The following ATP8A1 variants were observed in gnomAD, a reference collection of about 807,000 sequenced individuals.
The protein encoded by ATP8A1 is ATPase phospholipid transporting 8A1, also known as phospholipid-transporting ATPase IA.
In ATP8A1, 90 loss-of-function variants were observed where a neutral mutation model predicts 177.7. That is an observed-to-expected ratio of 0.51 (90% CI 0.43 to 0.60). ATP8A1 has a LOEUF of 0.60. ATP8A1 is among the 20% of genes least tolerant of loss of function. The pLI, the probability that ATP8A1 is intolerant of heterozygous loss-of-function variation, is 0.00. For synonymous variants in ATP8A1, 493 were observed against 485.9 expected (o/e 1.01, Z -0.19); for missense variants, 1,072 against 1,392.8 (o/e 0.77, Z 3.67).
At chr4:42,617,970 A>G (rs1402771557) in intron 4 of ATP8A1, among the ~76,000 whole-genome samples, 1 of 152,248 alleles carries the variant, frequency 6.6e-6, no homozygotes, top group Non-Finnish European at 1.5e-5. Flanking sequence ...CTAATAGTTC[A>G]TAAAAAATTA....
chr4:42,447,616 C>T (rs377287168), intron 30 of ATP8A1, among the ~76,000 whole-genome samples: 18 of 152,070 alleles, frequency 1.2e-4, no homozygotes, highest in Non-Finnish European at 1.9e-4. Context: ...TAAAAATCCA[C>T]GGTATATATA....
At chr4:42,526,767 C>G (rs1348515708) in intron 20 of ATP8A1, among the ~76,000 whole-genome samples, 1 of 152,068 alleles carries the variant, frequency 6.6e-6, no homozygotes, top group Non-Finnish European at 1.5e-5. Flanking sequence ...CTGACTAATA[C>G]AGATTTTGGT....
At chr4:42,519,874 T>A (rs1416316646) in intron 22 of ATP8A1, among the ~76,000 whole-genome samples, 1 of 152,218 alleles carries the variant, frequency 6.6e-6, no homozygotes, top group Non-Finnish European at 1.5e-5. Flanking sequence ...GTTTCTGTCA[T>A]CTGTAAACTA....
intron 14 of ATP8A1, among the ~76,000 whole-genome samples, chr4:42,571,426 T>C (rs1731892090): frequency 6.6e-6 from 1 of 152,162 alleles, no homozygotes; most frequent in Admixed American, 6.6e-5. Context: ...AGACTGTATC[T>C]TGTTAAGCCT....
At chr4:42,481,076 C>G (rs1721622735) in intron 25 of ATP8A1, among the ~76,000 whole-genome samples, 1 of 152,132 alleles carries the variant, frequency 6.6e-6, no homozygotes, top group African/African-American at 2.4e-5. Context: ...TGATGAGGAC[C>G]TCAGAAACCA....
chr4:42,523,986 A>ATTT (rs1726418311), intron 21 of ATP8A1, among the ~76,000 whole-genome samples: 2 of 152,336 alleles, frequency 1.3e-5, no homozygotes, highest in South Asian at 4.1e-4. Context: ...CACTGGCAAC[A>ATTT]GTTCCAGCTG....
intron 24 of ATP8A1, among the ~76,000 whole-genome samples, chr4:42,500,627 C>T (rs1287663456): frequency 6.6e-6 from 1 of 151,762 alleles, no homozygotes; most frequent in African/African-American, 2.4e-5. Flanking sequence ...GGCAATTTTA[C>T]AAGAGCCTGG....
intron 9 of ATP8A1, among the ~76,000 whole-genome samples, chr4:42,584,129 C>G (rs945705187): frequency 5.3e-5 from 8 of 152,278 alleles, no homozygotes; most frequent in African/African-American, 1.9e-4. Context: ...AATGCAATTA[C>G]AAAATAATGA....
chr4:42,578,814 G>A (rs779412197), intron 11 of ATP8A1, among the ~76,000 whole-genome samples: 31 of 152,038 alleles, frequency 2.0e-4, no homozygotes, highest in Non-Finnish European at 4.0e-4. Flanking sequence ...CAAACTATAT[G>A]AGTAATATTC....
intron 17 of ATP8A1, 103 bp downstream of exon 17, chr4:42,552,402 A>G (rs1729594905): frequency 3.3e-6 from 3 of 913,806 alleles, no homozygotes; most frequent in South Asian, 1.6e-5. Flanking sequence ...AAAAATTTTT[A>G]TCTAAAAAAC....
chr4:42,563,896 A>C (rs1006284931), intron 15 of ATP8A1, among the ~76,000 whole-genome samples: 7 of 152,178 alleles, frequency 4.6e-5, no homozygotes, highest in Non-Finnish European at 1.0e-4. Flanking sequence ...GGAGTACAAG[A>C]CCAGCCCAGC....
intron 25 of ATP8A1, among the ~76,000 whole-genome samples, chr4:42,476,026 T>A (rs1721025407): frequency 6.6e-6 from 1 of 151,390 alleles, no homozygotes; most frequent in African/African-American, 2.4e-5. Flanking sequence ...GGCGACAGAG[T>A]GAGACTCCAT....
Position 42,409,221 on chromosome 4 carries a change from CT to C in ATP8A1, c.*3694del, listed in dbSNP as rs1712310168. 6.6e-6 allele frequency: 1 copy of C among 152,136 alleles called. No individual in the cohort carries two copies. The highest frequency in any genetic ancestry group is 1.5e-5 in the Non-Finnish European group (1 of 67,994). 9.4% of individuals were successfully genotyped at this position (152,136 alleles called of 1,614,324 possible). ...ATATGAACTCATGCAAACCATAAACCTATCAAAAACACAGCTGTTCTCATAC... is the reference window on the plus strand; with the variant it reads ...ATATGAACTCATGCAAACCATAAACCATCAAAAACACAGCTGTTCTCATAC... On this transcript the variant is annotated 3_prime_UTR_variant, in exon 37 of 37. Transcript: ENST00000381668.
rs9998565 is a variant in ATP8A1, at chr4:42,595,030, G to C, written c.451-4146C>G. 3.0e-3 allele frequency among the ~76,000 whole-genome samples: 461 copies of C among 152,224 alleles called. 2 individuals carry two copies. Among genetic ancestry groups the C allele is most frequent in the African/African-American group, 0.011 (445 of 41,548 alleles). On this transcript the variant is annotated intron_variant, in intron 6 of 36. Coordinates refer to ENST00000381668, the MANE Select transcript of ATP8A1 (RefSeq NM_006095.2). ...AAAAACTGATAGCAGTCATTTAAGT[G>C]ACAGATGTGTCACATAGCTTTTGGC...
rs376142691 is a variant in ATP8A1 at position 42,414,633 on chromosome 4, G to C, written c.3391C>G (p.Leu1131Val). 1.2e-6 allele frequency: 2 copies of C among 1,613,524 alleles called. No homozygotes were observed. The highest frequency in any genetic ancestry group is 2.2e-5 in the East Asian group (1 of 44,884). ...AAGAAACTCAAATACTCACGGAGCA[G>C]ATTTTGTTGCAAGGATTCAGAGCGG... ...LYRSESLQQN[L>V]LHGYAFSQDE... Residue 1131 changes from leucine (L) to valine (V), a missense_variant, in exon 36 of 37, where the codon CTG becomes GTG. Physicochemically the swap from Leu to Val is conservative, Grantham distance 32. Around this residue, in one of 5 missense-constraint regions of ATP8A1, gnomAD observed 316 missense variants for 459.1 expected, o/e 0.69. Transcript: ENST00000381668.
chr4:42,561,157 G>A (rs1730781803), intron 15 of ATP8A1, among the ~76,000 whole-genome samples: 1 of 152,168 alleles, frequency 6.6e-6, no homozygotes. Flanking sequence ...CCACACAAAC[G>A]AGGACAAGTG....
In ATP8A1 at chr4:42,485,477, A is replaced by G; in HGVS notation, c.2324+19T>C. ...AAGTCATTCTTTACTAAAATCTGAC[A>G]ATGATAAGGAGAACTTACCGACAGC... On this transcript the variant is annotated intron_variant, in intron 25 of 36. Transcript: ENST00000381668. 1 of 1,580,712 alleles carries G rather than the reference A, an allele frequency of 6.3e-7. No homozygotes were observed. The highest frequency in any genetic ancestry group is 8.6e-7 in the Non-Finnish European group (1 of 1,163,856).
At chr4:42,513,172 T>A (rs951396090) in intron 22 of ATP8A1, among the ~76,000 whole-genome samples, 1 of 152,138 alleles carries the variant, frequency 6.6e-6, no homozygotes, top group Non-Finnish European at 1.5e-5. Flanking sequence ...CATGTCCAAC[T>A]CCTACCATTC....
At chr4:42,624,513 T>C in intron 4 of ATP8A1, 23 bp downstream of exon 4, 2 of 1,267,530 alleles carry the variant, frequency 1.6e-6, no homozygotes, top group Non-Finnish European at 2.2e-6. Context: ...TCACATACAA[T>C]TATGAAAAAA....
Sources: allele counts gnomAD v4.1 joint callset (sites outside exome capture counted in the v4.1 genomes callset), GRCh38; gene constraint gnomAD v4.1.1; regional missense constraint gnomAD v4.1.1; transcripts MANE v1.5; gene names NCBI Gene and HGNC (gene_info 2026-07-23, HGNC 2026-07-21).